Variants in COG1 observed in about 807,000 individuals in gnomAD.
The protein encoded by COG1 is component of oligomeric golgi complex 1, also known as conserved oligomeric Golgi complex subunit 1.
In COG1, 61 loss-of-function variants were observed where a neutral mutation model predicts 102.2. That is an observed-to-expected ratio of 0.60 (90% CI 0.49 to 0.74). COG1 has a LOEUF of 0.74. Among genes scored for constraint, COG1 ranks in the 30% least tolerant of loss-of-function variants. COG1 has a pLI of 0.00. For missense variants in COG1, 1,164 were observed against 1,232.1 expected (o/e 0.94, Z 0.83); for synonymous variants, 454 against 493.6 (o/e 0.92, Z 1.06).
At chr17:73,193,842 AC>A (rs900525019) in intron 1 of COG1, among the ~76,000 whole-genome samples, 3 of 152,038 alleles carry the variant, frequency 2.0e-5, no homozygotes, top group African/African-American at 7.2e-5. Flanking sequence ...AATAACTTCC[AC>A]AACCCCAAAT....
Position 73,203,782 on chromosome 17 carries a change from A to C in COG1, c.2371A>C (p.Lys791Gln), listed in dbSNP as rs1268151164. The C allele has an allele frequency of 6.2e-7, 1 of 1,614,238 alleles. No individual in the cohort carries two copies. The highest frequency in any genetic ancestry group is 1.7e-5 in the Admixed American group (1 of 60,014). ...TGCCTATGAGAAACTCTCCGAAGAAAAACAGATTAAGGTAGGTGTCTGAAT... is the reference window on the plus strand; with the variant it reads ...TGCCTATGAGAAACTCTCCGAAGAACAACAGATTAAGGTAGGTGTCTGAAT... ...VAAYEKLSEE[K>Q]QIKKEGAFPV... Residue 791 changes from lysine to glutamine, a missense_variant, in exon 9 of 14, where the codon AAA (lysine) becomes CAA (glutamine). Physicochemically the swap from Lys to Gln is moderately conservative, Grantham distance 53. Coordinates refer to ENST00000299886, the MANE Select transcript of COG1 (RefSeq NM_018714.3).
chr17:73,207,139 C>T (rs763026528), intron 12 of COG1, 42 bp from the exon 13 acceptor site: 11 of 1,483,748 alleles, frequency 7.4e-6, no homozygotes, highest in Non-Finnish European at 1.0e-5. Flanking sequence ...GGCCCCAGAG[C>T]TGCCTGTTTG....
At chr17:73,201,981 G>A in intron 7 of COG1, 81 bp downstream of exon 7, 1 of 1,299,960 alleles carries the variant, frequency 7.7e-7, no homozygotes. Flanking sequence ...AGTTCCTTCA[G>A]TAGTAAAGGC....
chr17:73,193,255 G>A lies in COG1; in HGVS notation c.186G>A (p.Ala62=), dbSNP rs1353086834. The part of the protein sequence containing the change: ...VGERYRDLIE[A]ADTIGQMRRC... ...AACGGTACCGCGACCTGATCGAGGC[G>A]GCCGACACCATCGGCCAGATGCGCC... The change falls in exon 1 of 14, where the codon GCG becomes GCA. Residue 62 remains alanine, a synonymous_variant. Transcript: ENST00000299886. The A allele has an allele frequency of 6.2e-7, 1 of 1,607,914 alleles. No individual in the cohort carries two copies. The highest frequency in any genetic ancestry group is 1.1e-5 in the South Asian group (1 of 89,928).
rs772385793 is a variant in COG1 at position 73,201,762 on chromosome 17, G to C, written c.1935G>C (p.Glu645Asp). 2 of 1,614,078 alleles carry C rather than the reference G, an allele frequency of 1.2e-6. No individual in the cohort carries two copies. The highest frequency in any genetic ancestry group is 2.2e-5 in the South Asian group (2 of 91,088). Residue 645 changes from glutamate to aspartate, a missense_variant, in exon 7 of 14, where the codon GAG (glutamate) becomes GAC (aspartate). Transcript: ENST00000299886. ...KSESSEKPAREFRALRKQGKV... is the reference protein window; with the variant it reads ...KSESSEKPARDFRALRKQGKV... ...AGAGCTCAGAGAAACCAGCAAGGGA[G>C]TTTAGGGCTCTGAGAAAACAGGGAA...
Position 73,197,097 on chromosome 17 carries a change from G to A in COG1, c.742+16G>A. The A allele has an allele frequency of 6.2e-7, 1 of 1,614,080 alleles. No homozygotes were observed. The highest frequency in any genetic ancestry group is 8.5e-7 in the Non-Finnish European group (1 of 1,179,988). On this transcript the variant is annotated intron_variant, in intron 3 of 13. Transcript: ENST00000299886. ...CCACACCATGGTGGGTGTGGCTTCT[G>A]GCCAACATTTGGTCCTTAAATATGG...
Position 73,203,071 on chromosome 17 carries a change from C to T in COG1, c.2145C>T (p.Ser715=). ...DAGSVLATAT[S]WDELEIQEEA... ...GCTCAGTTCTGGCCACAGCCACCAG[C>T]TGGGATGAGCTAGAAATTCAGGAGG... The change falls in exon 8 of 14, where the codon AGC becomes AGT. Residue 715 remains serine, a synonymous_variant. Coordinates refer to ENST00000299886, the MANE Select transcript of COG1 (RefSeq NM_018714.3). The T allele has an allele frequency of 6.2e-7, 1 of 1,614,140 alleles. No homozygotes were observed. Among genetic ancestry groups the T allele is most frequent in the Admixed American group, 1.7e-5 (1 of 60,014 alleles).
At chr17:73,207,279 T>A (rs1445110485) in intron 13 of COG1, 23 bp downstream of exon 13, 1 of 1,611,336 alleles carries the variant, frequency 6.2e-7, no homozygotes, top group Admixed American at 1.7e-5. Context: ...AGCAAGAGGC[T>A]CATCCGTGGA....
intron 8 of COG1, chr17:73,203,385 T>C: frequency 1.4e-6 from 1 of 702,874 alleles, no homozygotes; most frequent in Non-Finnish European, 2.4e-6. Flanking sequence ...ACCACTTACT[T>C]GCCGTGAAAT....
chr17:73,201,537 G>A lies in COG1; in HGVS notation c.1710G>A (p.Leu570=), dbSNP rs139407216. ...YADAGTVQEM[L]RTQSVACIKH... is the part of the protein sequence containing the mutation. ...ATGCGGGGACCGTGCAGGAGATGCT[G>A]CGGACTCAGTCCGTGGCATGCATCA... Residue 570 remains leucine (L), a synonymous_variant, in exon 7 of 14, where the codon CTG becomes CTA. Transcript: ENST00000299886. The A allele has an allele frequency of 1.3e-4, 209 of 1,614,248 alleles. No homozygotes were observed. The African/African-American group carries it at 1.9e-3, about 15-fold the overall frequency.
At chr17:73,194,665 T>C (rs977097798) in intron 1 of COG1, among the ~76,000 whole-genome samples, 1 of 151,962 alleles carries the variant, frequency 6.6e-6, no homozygotes, top group Non-Finnish European at 1.5e-5. Context: ...GGTTTCACCA[T>C]ATTGGCCCGG....
At chr17:73,202,644 C>T (rs769926216) in intron 7 of COG1, among the ~76,000 whole-genome samples, 3 of 152,100 alleles carry the variant, frequency 2.0e-5, no homozygotes, top group Non-Finnish European at 2.9e-5. Context: ...AGAAATTATT[C>T]GGATGTGATG....
Position 73,208,408 on chromosome 17 carries a change from C to T in COG1, c.2900C>T (p.Pro967Leu), listed in dbSNP as rs147588256. Residue 967 changes from proline to leucine, a missense_variant, in exon 14 of 14, where the codon CCT (proline) becomes CTT (leucine). Transcript: ENST00000299886. ...LVSEEDNTSA[P>L]SLFKLGWLSS... Reference sequence around the variant, plus strand: ...AGTGAAGAAGACAACACGTCTGCACCTTCATTATTCAAACTTGGCTGGCTC... The same window carrying T: ...AGTGAAGAAGACAACACGTCTGCACTTTCATTATTCAAACTTGGCTGGCTC... 6.2e-7 allele frequency: 1 copy of T among 1,614,222 alleles called. No individual in the cohort carries two copies. The highest frequency in any genetic ancestry group is 1.7e-5 in the Admixed American group (1 of 60,028).
Position 73,196,739 on chromosome 17 carries a change from C to T in COG1, c.548C>T (p.Ala183Val), listed in dbSNP as rs369287825. The T allele has an allele frequency of 1.2e-6, 2 of 1,614,024 alleles. No homozygotes were observed. The highest frequency in any genetic ancestry group is 2.7e-5 in the African/African-American group (2 of 74,942). ...FPILIRQVAA[A>V]SHFRSTILHE... Reference sequence around the variant, plus strand: ...ATACTCATCCGGCAGGTGGCAGCCGCCAGCCACTTCCGGTAAGTGGATCCA... The same window carrying T: ...ATACTCATCCGGCAGGTGGCAGCCGTCAGCCACTTCCGGTAAGTGGATCCA... The change falls in exon 2 of 14, where the codon GCC (alanine) becomes GTC (valine). Residue 183 changes from alanine (A) to valine (V), a missense_variant. Ala to Val is a moderately conservative substitution (Grantham distance 64). Coordinates refer to ENST00000299886, the MANE Select transcript of COG1 (RefSeq NM_018714.3).
At chr17:73,205,249 G>T in intron 9 of COG1, 1 of 382,206 alleles carries the variant, frequency 2.6e-6, no homozygotes, top group Non-Finnish European at 4.9e-6. Flanking sequence ...TCTCTAATGA[G>T]CCTCCTCAAA....
rs774942299 is a variant in COG1, at chr17:73,208,495, T to G, written c.*44T>G. On this transcript the variant is annotated 3_prime_UTR_variant, in exon 14 of 14. Transcript: ENST00000299886. The stretch of plus-strand genomic sequence containing the variant: ...TCTCCCTAAATAAATACTACCACAT[T>G]ATTTCTTCTAAAGGTGCCTCTGCTC... 8 of 1,602,496 alleles carry G rather than the reference T, an allele frequency of 5.0e-6. No individual in the cohort carries two copies. Among genetic ancestry groups the G allele is most frequent in the Non-Finnish European group, 6.8e-6 (8 of 1,171,332 alleles).
rs117344829 is a variant in COG1, at chr17:73,200,000, C to T, written c.1049C>T (p.Thr350Met). ...HPISQEYLKD[T>M]LQKWIHMCNE... Reference sequence around the variant, plus strand: ...ATCAGTCAGGAATACCTGAAAGACACGCTGCAGAAATGGATCCACATGTAA... The same window carrying T: ...ATCAGTCAGGAATACCTGAAAGACATGCTGCAGAAATGGATCCACATGTAA... The change falls in exon 5 of 14, where the codon ACG (threonine) becomes ATG (methionine). Residue 350 changes from threonine (T) to methionine (M), a missense_variant. Thr to Met is a moderately conservative substitution (Grantham distance 81). Coordinates refer to ENST00000299886, the MANE Select transcript of COG1 (RefSeq NM_018714.3). 7.6e-3 allele frequency: 12,303 copies of T among 1,613,308 alleles called. 61 individuals carry two copies. Among genetic ancestry groups the T allele is most frequent in the Non-Finnish European group, 9.3e-3 (11,016 of 1,179,666 alleles).
At chr17:73,207,640 T>C in intron 13 of COG1, 1 of 1,235,454 alleles carries the variant, frequency 8.1e-7, no homozygotes, top group South Asian at 1.3e-5. Context: ...GGGTGGGAAG[T>C]AACAGAAAAT....
chr17:73,196,853 C>T (rs748344721), intron 2 of COG1, 47 bp from the exon 3 acceptor site: 8 of 1,613,766 alleles, frequency 5.0e-6, no homozygotes, highest in African/African-American at 2.7e-5. Context: ...AGCTCTTTAC[C>T]CAAGATGTGA....
Sources: gnomAD v4.1 joint callset for allele counts (sites outside exome capture counted in the v4.1 genomes callset) on GRCh38, gnomAD v4.1.1 for gene constraint, MANE v1.5 for transcripts, NCBI Gene and HGNC (gene_info 2026-07-23, HGNC 2026-07-21) for gene names.